Variants in ITGAV observed in about 807,000 individuals in gnomAD.
ITGAV encodes integrin alpha-V.
A neutral mutation model predicts 143.8 loss-of-function variants in ITGAV; 76 were observed. The observed-to-expected ratio is 0.53, with a 90% CI of 0.44 to 0.64. ITGAV has a LOEUF of 0.64. Ranked by LOEUF, ITGAV falls within the 30% of genes least tolerant of loss-of-function variation. ITGAV has a pLI of 0.00. For synonymous variants in ITGAV, 453 were observed against 446.7 expected (o/e 1.01, Z -0.18); for missense variants, 1,193 against 1,274.7 (o/e 0.94, Z 0.98).
At chr2:186,613,631 G>C (rs1687277472) in intron 2 of ITGAV, among the ~76,000 whole-genome samples, 1 of 151,978 alleles carries the variant, frequency 6.6e-6, no homozygotes, top group African/African-American at 2.4e-5. Flanking sequence ...TTGGTCTCTT[G>C]GCCATTTTAA....
intron 2 of ITGAV, among the ~76,000 whole-genome samples, chr2:186,616,293 T>TTTTG (rs1687356925): frequency 6.8e-6 from 1 of 146,642 alleles, no homozygotes; most frequent in East Asian, 2.0e-4. Context: ...TTTTTTTTTT[T>TTTTG]TTTGAGACGG....
intron 26 of ITGAV, among the ~76,000 whole-genome samples, chr2:186,673,655 A>G (rs1409651108): frequency 6.6e-6 from 1 of 151,584 alleles, no homozygotes; most frequent in African/African-American, 2.4e-5. Context: ...GCTTTTTATT[A>G]TTATTATTAT....
intron 1 of ITGAV, among the ~76,000 whole-genome samples, chr2:186,598,819 T>C (rs994150690): frequency 3.3e-5 from 5 of 152,156 alleles, no homozygotes; most frequent in African/African-American, 9.7e-5. Context: ...AGAGCCAACA[T>C]TGGTGTTTTA....
intron 2 of ITGAV, among the ~76,000 whole-genome samples, chr2:186,604,004 A>G (rs1471011314): frequency 1.3e-5 from 2 of 151,804 alleles, no homozygotes; most frequent in Non-Finnish European, 2.9e-5. Context: ...AGTTGGGACT[A>G]CAGAGGTGTG....
chr2:186,617,751 T>C (rs1310401822), intron 2 of ITGAV, among the ~76,000 whole-genome samples: 2 of 151,540 alleles, frequency 1.3e-5, no homozygotes, highest in Non-Finnish European at 2.9e-5. Context: ...AATAAAATTA[T>C]TTTATTGTGT....
chr2:186,651,860 T>TA, intron 14 of ITGAV, 122 bp from the exon 15 acceptor site: 2 of 591,160 alleles, frequency 3.4e-6, no homozygotes. Context: ...CTTTTACTAT[T>TA]ACAAACAATG....
chr2:186,641,772 A>G, intron 12 of ITGAV, 184 bp downstream of exon 12: 1 of 585,858 alleles, frequency 1.7e-6, no homozygotes, highest in South Asian at 2.1e-5. Context: ...ATCAGAGCAA[A>G]GATTTCAATA....
In ITGAV at chr2:186,641,408, G is replaced by A. The variant is rs1688099113; in HGVS notation, c.979G>A (p.Ala327Thr). ...GDDYADVFIG[A>T]PLFMDRGSDG... ...TAGTTATGCAGATGTGTTTATTGGAGCACCTCTCTTCATGGATCGTGGCTC... is the reference window on the plus strand; with the variant it reads ...TAGTTATGCAGATGTGTTTATTGGAACACCTCTCTTCATGGATCGTGGCTC... The change falls in exon 12 of 30, where the codon GCA (alanine) becomes ACA (threonine). Residue 327 changes from alanine (A) to threonine (T), a missense_variant. Physicochemically the swap from Ala to Thr is moderately conservative, Grantham distance 58. Transcript: ENST00000261023. 2 of 1,613,900 alleles carry A rather than the reference G, an allele frequency of 1.2e-6. No individual in the cohort carries two copies. Among genetic ancestry groups the A allele is most frequent in the Non-Finnish European group, 1.7e-6 (2 of 1,179,896 alleles).
chr2:186,665,882 T>C (rs1315071672), intron 21 of ITGAV, among the ~76,000 whole-genome samples: 8 of 152,184 alleles, frequency 5.3e-5, no homozygotes, highest in Admixed American at 5.2e-4. Context: ...TAGTATGTTT[T>C]CTATTACAAG....
chr2:186,590,546 G>A lies in ITGAV; in HGVS notation c.185+23G>A, dbSNP rs781775421. The stretch of plus-strand genomic sequence containing the variant: ...TTCGTAAGTGGCCGCACTTGGAACT[G>A]GAGCCGGCCCCCTCCCCCACCGCGC... On this transcript the variant is annotated intron_variant, in intron 1 of 29. Coordinates refer to ENST00000261023, the MANE Select transcript of ITGAV (RefSeq NM_002210.5). 8.1e-6 allele frequency: 13 copies of A among 1,603,774 alleles called. No individual in the cohort carries two copies. The Admixed American group carries it at 1.9e-4, about 23-fold the overall frequency.
At position 186,620,156 on chromosome 2, in the gene ITGAV, C is replaced by T. The variant is rs555666636; in HGVS notation, c.317-2183C>T. ...TCTTTTGGCCCAGAAAACATTTCCTCACTTGTACTGTACCCTTACTTTCCT... is the reference window on the plus strand; with the variant it reads ...TCTTTTGGCCCAGAAAACATTTCCTTACTTGTACTGTACCCTTACTTTCCT... On this transcript the variant is annotated intron_variant, in intron 2 of 29. Coordinates refer to ENST00000261023, the MANE Select transcript of ITGAV (RefSeq NM_002210.5). 3.9e-5 allele frequency among the ~76,000 whole-genome samples: 6 copies of T among 152,312 alleles called. No homozygotes were observed. The South Asian group carries it at 1.2e-3, about 32-fold the overall frequency.
chr2:186,590,295 G>A lies in ITGAV; in HGVS notation c.-44G>A, dbSNP rs538122255. ...TGGGCGCCTCGCTGGGGCGGGGGGA[G>A]GTGGCTACCGCTCCCGGCTTGGCGT... On this transcript the variant is annotated 5_prime_UTR_variant, in exon 1 of 30. Transcript: ENST00000261023. The A allele has an allele frequency of 7.5e-6, 11 of 1,464,190 alleles. No homozygotes were observed. The highest frequency in any genetic ancestry group is 9.9e-6 in the Non-Finnish European group (11 of 1,107,888). 90.7% of individuals were successfully genotyped at this position (1,464,190 alleles called of 1,614,324 possible). A position where few individuals can be genotyped will look rare whatever the true frequency, so the allele number is the denominator to read the frequency against.
At chr2:186,676,643 C>A (rs745784649) in intron 28 of ITGAV, among the ~76,000 whole-genome samples, 170 bp from the exon 29 acceptor site, 20 of 152,096 alleles carry the variant, frequency 1.3e-4, no homozygotes, top group Non-Finnish European at 1.6e-4. Flanking sequence ...TTGGGAGTTT[C>A]ATGTGTGTAT....
At chr2:186,618,466 C>A (rs1687429483) in intron 2 of ITGAV, among the ~76,000 whole-genome samples, 1 of 152,206 alleles carries the variant, frequency 6.6e-6, no homozygotes, top group Non-Finnish European at 1.5e-5. Context: ...TCCACAAAGA[C>A]AGATATCCAT....
rs528231508 is a variant in ITGAV at position 186,668,090 on chromosome 2, G to A, written c.2433+314G>A. 267 of 150,474 alleles carry A rather than the reference G, an allele frequency of 1.8e-3. 1 individual carries two copies. Among genetic ancestry groups the A allele is most frequent in the African/African-American group, 6.2e-3 (244 of 39,540 alleles). The allele number at this position is 150,474 out of a possible 1,614,324, so 9.3% of individuals were successfully genotyped here. On this transcript the variant is annotated intron_variant, in intron 24 of 29. Transcript: ENST00000261023. ...TGGCTAAAAATTGAAAATACCTATGGCAAATAATCAAAACTATTTCTATAG... is the reference window on the plus strand; with the variant it reads ...TGGCTAAAAATTGAAAATACCTATGACAAATAATCAAAACTATTTCTATAG...
At chr2:186,655,603 G>T (rs17406098) in intron 16 of ITGAV, among the ~76,000 whole-genome samples, 10,698 of 152,224 alleles carry the variant, frequency 0.07, 491 homozygotes, top group South Asian at 0.12. Flanking sequence ...CTTGCGACGC[G>T]AATTCTGGTT....
chr2:186,649,375 G>A (rs762878548), intron 13 of ITGAV, among the ~76,000 whole-genome samples: 6 of 151,694 alleles, frequency 4.0e-5, no homozygotes, highest in African/African-American at 7.3e-5. Flanking sequence ...TCGTGAACCA[G>A]TTGAACCTGT....
chr2:186,645,910 T>G (rs983712793), intron 12 of ITGAV, among the ~76,000 whole-genome samples: 1 of 152,050 alleles, frequency 6.6e-6, no homozygotes, highest in African/African-American at 2.4e-5. Flanking sequence ...AGGTGGAGCT[T>G]GCAGTGAGCC....
chr2:186,637,438 G>A (rs536264057), intron 8 of ITGAV, among the ~76,000 whole-genome samples: 4 of 144,250 alleles, frequency 2.8e-5, no homozygotes, highest in South Asian at 4.3e-4. Context: ...TTGTGATTGC[G>A]CCACTGCACT....
Sources: gnomAD v4.1 joint callset for allele counts (sites outside exome capture counted in the v4.1 genomes callset) on GRCh38, gnomAD v4.1.1 for gene constraint, MANE v1.5 for transcripts, NCBI Gene and HGNC (gene_info 2026-07-23, HGNC 2026-07-21) for gene names.